TCHH: variants seen among roughly 807,000 people sequenced by gnomAD.
The protein encoded by TCHH is trichohyalin.
In TCHH, 6 loss-of-function variants were observed where a neutral mutation model predicts 6.3. That is an observed-to-expected ratio of 0.95 (90% CI 0.52 to 1.88). The LOEUF is 1.88. Among genes scored for constraint, TCHH ranks in the 40% most tolerant of loss-of-function variants. TCHH has a pLI of 0.01. For synonymous variants in TCHH, 1,087 were observed against 963.6 expected (o/e 1.13, Z -2.37); for missense variants, 2,920 against 2,449.1 (o/e 1.19, Z -4.06).
At chr1:152,113,385 G>A (rs531202000) in intron 2 of TCHH, among the ~76,000 whole-genome samples, 3 of 152,346 alleles carry the variant, frequency 2.0e-5, no homozygotes, top group African/African-American at 7.2e-5. Context: ...CTGAGGTGAA[G>A]ATTCAAAACA....
Position 152,111,241 on chromosome 1 carries a change from A to C in TCHH, c.1976T>G (p.Leu659Arg). The C allele has an allele frequency of 6.3e-7, 1 of 1,593,124 alleles. No individual in the cohort carries two copies. Among genetic ancestry groups the C allele is most frequent in the Non-Finnish European group, 8.5e-7 (1 of 1,172,226 alleles). ...REQQERREQR[L>R]KREEEEERLE... The stretch of plus-strand genomic sequence containing the variant: ...CCTCTCTTCCTCCTCCTCGCGCTTC[A>C]GCCGCTGCTCGCGCCTTTCCTGCTG... Residue 659 changes from leucine to arginine, a missense_variant, in exon 3 of 3, where the codon CTG becomes CGG. Leu to Arg is a moderately radical substitution (Grantham distance 102). Coordinates refer to ENST00000614923, the MANE Select transcript of TCHH (RefSeq NM_007113.4).
At position 152,112,130 on chromosome 1, in the gene TCHH, G is replaced by A; in HGVS notation, c.1087C>T (p.Gln363Ter). ...REQEEERREQ[Q>*]LRREQEEERR... ...TCCTCCTCCTGCTCGCGCCTCAGCTGCTGCTCGCGCCTCTCCTCCTCCTGC... is the reference window on the plus strand; with the variant it reads ...TCCTCCTCCTGCTCGCGCCTCAGCTACTGCTCGCGCCTCTCCTCCTCCTGC... Residue 363 changes from glutamine to a stop codon, truncating the protein, a stop_gained, in exon 3 of 3, where the codon CAG (glutamine) becomes TAG (stop). Coordinates refer to ENST00000614923, the MANE Select transcript of TCHH (RefSeq NM_007113.4). LOFTEE classifies it low-confidence loss of function (END_TRUNC). The A allele has an allele frequency of 1.3e-6, 2 of 1,566,344 alleles. No homozygotes were observed. Among genetic ancestry groups the A allele is most frequent in the Non-Finnish European group, 1.7e-6 (2 of 1,166,200 alleles).
chr1:152,107,719 T>G lies in TCHH; in HGVS notation c.5498A>C (p.Gln1833Pro). ...WEEEQLQLEE[Q>P]EQRLRQERDR... ...TCGCTCCTGCCGCAGCCTCTGCTCT[T>G]GTTCCTCAAGTTGGAGCTGCTCTTC... Residue 1833 changes from glutamine (Q) to proline (P), a missense_variant, in exon 3 of 3, where the codon CAA becomes CCA. By Grantham distance (76) the Gln-to-Pro change is moderately conservative. Coordinates refer to ENST00000614923, the MANE Select transcript of TCHH (RefSeq NM_007113.4). 1 of 1,614,070 alleles carries G rather than the reference T, an allele frequency of 6.2e-7. No homozygotes were observed. The highest frequency in any genetic ancestry group is 8.5e-7 in the Non-Finnish European group (1 of 1,180,036).
In TCHH at chr1:152,110,718, G is replaced by A. The variant is rs377679680; in HGVS notation, c.2499C>T (p.Phe833=). ...GCTGGAGCTGCTCCTCTTCCTCCAG[G>A]AACTGCAGCTCTTTCTCCCTCTCGC... ...QRREREKELQ[F]LEEEEQLQRR... The change falls in exon 3 of 3, where the codon TTC becomes TTT. Residue 833 remains phenylalanine (F), a synonymous_variant. Transcript: ENST00000614923. The A allele has an allele frequency of 6.2e-7, 1 of 1,611,402 alleles. No individual in the cohort carries two copies. The highest frequency in any genetic ancestry group is 1.3e-5 in the African/African-American group (1 of 74,970).
Position 152,106,693 on chromosome 1 carries a change from C to T in TCHH, c.*692G>A, listed in dbSNP as rs1290649432. 5.9e-5 allele frequency: 9 copies of T among 152,132 alleles called. No individual in the cohort carries two copies. The highest frequency in any genetic ancestry group is 1.9e-4 in the African/African-American group (8 of 41,428). The allele number at this position is 152,132 out of a possible 1,614,324, so 9.4% of individuals were successfully genotyped here. A position where few individuals can be genotyped will look rare whatever the true frequency, so the allele number is the denominator to read the frequency against. ...GAAGTTGAGAAACACCTCATTATTT[C>T]TTCATGAGATTATGTGTTTAAGTGG... On this transcript the variant is annotated 3_prime_UTR_variant, in exon 3 of 3. Transcript: ENST00000614923.
chr1:152,114,232 G>C (rs1431676786), intron 1 of TCHH, 121 bp from the exon 2 acceptor site: 33 of 655,714 alleles, frequency 5.0e-5, no homozygotes, highest in Non-Finnish European at 7.6e-5. Flanking sequence ...TTTCAACCTG[G>C]ACTTTCAGAG....
chr1:152,112,218 C>T lies in TCHH; in HGVS notation c.999G>A (p.Glu333=), dbSNP rs1245246166. Residue 333 remains glutamate, a synonymous_variant, in exon 3 of 3, where the codon GAG becomes GAA. Coordinates refer to ENST00000614923, the MANE Select transcript of TCHH (RefSeq NM_007113.4). The part of the protein sequence containing the change: ...EQQERREQQE[E]RREQQLRREQ... ...CGCGCCTCAGCTGCTGCTCGCGCCT[C>T]TCCTCCTGCTGCTCGCGCCTCTCCT... 1 of 1,482,066 alleles carries T rather than the reference C, an allele frequency of 6.7e-7. No homozygotes were observed. The highest frequency in any genetic ancestry group is 1.1e-5 in the South Asian group (1 of 89,154). The allele number at this position is 1,482,066 out of a possible 1,614,324, so 91.8% of individuals were successfully genotyped here.
In TCHH at chr1:152,112,577, C is replaced by G; in HGVS notation, c.640G>C (p.Glu214Gln). 1 of 1,613,602 alleles carries G rather than the reference C, an allele frequency of 6.2e-7. No homozygotes were observed. Among genetic ancestry groups the G allele is most frequent in the Non-Finnish European group, 8.5e-7 (1 of 1,180,012 alleles). The change falls in exon 3 of 3, where the codon GAG becomes CAG. Residue 214 changes from glutamate to glutamine, a missense_variant. Physicochemically the swap from Glu to Gln is conservative, Grantham distance 29. Transcript: ENST00000614923. ...FPDEEQLRRR[E>Q]LLELRRKGRE... is the part of the protein sequence containing the mutation. ...CCCTTCCTCCTCAGCTCCAGCAGCT[C>G]CCGCCTTCGCAGTTGCTCTTCGTCT...
At chr1:152,114,137 A>G in intron 1 of TCHH, 26 bp from the exon 2 acceptor site, 1 of 1,518,736 alleles carries the variant, frequency 6.6e-7, no homozygotes, top group South Asian at 1.3e-5. Context: ...AAGATCCAGA[A>G]TCAAAATCCC....
chr1:152,107,994 G>A lies in TCHH; in HGVS notation c.5223C>T (p.Arg1741=). Residue 1741 remains arginine, a synonymous_variant, in exon 3 of 3, where the codon CGC becomes CGT. Transcript: ENST00000614923. The part of the protein sequence containing the change: ...LRQETEQEQL[R]RQERYRKILE... ...GGATTTTTCTGTAGCGTTCTTGGCG[G>A]CGCAGCTGCTCTTGCTCCGTTTCTT... The A allele has an allele frequency of 6.2e-7, 1 of 1,613,198 alleles. No homozygotes were observed. Among genetic ancestry groups the A allele is most frequent in the Non-Finnish European group, 8.5e-7 (1 of 1,179,846 alleles).
chr1:152,110,619 C>A lies in TCHH; in HGVS notation c.2598G>T (p.Gln866His). The change falls in exon 3 of 3, where the codon CAG becomes CAT. Residue 866 changes from glutamine to histidine, a missense_variant. Gln to His is a conservative substitution (Grantham distance 24, BLOSUM62 0). Transcript: ENST00000614923. ...LQEDQERRRS[Q>H]EQRRDQKWRW... ...TCCATTTTTGGTCGCGGCGCTGCTC[C>A]TGGCTTCGCCTCCTCTCCTGATCCT... The A allele has an allele frequency of 1.9e-6, 3 of 1,614,192 alleles. No individual in the cohort carries two copies. The highest frequency in any genetic ancestry group is 1.6e-4 in the Middle Eastern group (1 of 6,062).
rs1658215407 is a variant in TCHH, at chr1:152,108,927, T to C, written c.4290A>G (p.Arg1430=). The change falls in exon 3 of 3, where the codon AGA becomes AGG. Residue 1430 remains arginine, a synonymous_variant. Transcript: ENST00000614923. ...CCTGCTGTTCCTCTTCACGGAATTT[T>C]CTGTCACGCTCTTGGCGGCTCAGCT... ...EQQLSRQERD[R]KFREEEQQVR... The C allele has an allele frequency of 1.2e-6, 2 of 1,613,418 alleles. No individual in the cohort carries two copies. Among genetic ancestry groups the C allele is most frequent in the South Asian group, 1.1e-5 (1 of 91,052 alleles).
chr1:152,108,657 C>T lies in TCHH; in HGVS notation c.4560G>A (p.Glu1520=). The change falls in exon 3 of 3, where the codon GAG becomes GAA. Residue 1520 remains glutamate (E), a synonymous_variant. Transcript: ENST00000614923. ...SQEPERKFLE[E]EQQLHRQQRQ... ...GTTGCTGGCGGTGCAGCTGCTGTTC[C>T]TCCTCGAGGAATTTTCTCTCTGGTT... 6.2e-7 allele frequency: 1 copy of T among 1,610,524 alleles called. No homozygotes were observed. The highest frequency in any genetic ancestry group is 8.5e-7 in the Non-Finnish European group (1 of 1,179,398).
rs1658169267 is a variant in TCHH at position 152,108,084 on chromosome 1, C to G, written c.5133G>C (p.Gln1711His). The G allele has an allele frequency of 6.2e-7, 1 of 1,611,820 alleles. No homozygotes were observed. The highest frequency in any genetic ancestry group is 1.3e-5 in the African/African-American group (1 of 74,150). ...RRQERERKFL[Q>H]EEQQLRRQEL... is the part of the protein sequence containing the mutation. ...CCTGGCGGCGCAGCTGCTGTTCCTC[C>G]TGGAGGAATTTTCTCTCTCGTTCCT... The change falls in exon 3 of 3, where the codon CAG (glutamine) becomes CAC (histidine). Residue 1711 changes from glutamine to histidine, a missense_variant. Physicochemically the swap from Gln to His is conservative, Grantham distance 24. Coordinates refer to ENST00000614923, the MANE Select transcript of TCHH (RefSeq NM_007113.4).
Position 152,107,962 on chromosome 1 carries a change from T to G in TCHH, c.5255A>C (p.Glu1752Ala). The change falls in exon 3 of 3, where the codon GAA (glutamate) becomes GCA (alanine). Residue 1752 changes from glutamate (E) to alanine (A), a missense_variant. Coordinates refer to ENST00000614923, the MANE Select transcript of TCHH (RefSeq NM_007113.4). The part of the protein sequence containing the change: ...RQERYRKILE[E>A]EQLRPEREEQ... Reference sequence around the variant, plus strand: ...TTCCCTTTCCGGACGGAGCTGCTCTTCCTCTAGGATTTTTCTGTAGCGTTC... The same window carrying G: ...TTCCCTTTCCGGACGGAGCTGCTCTGCCTCTAGGATTTTTCTGTAGCGTTC... 1 of 1,613,736 alleles carries G rather than the reference T, an allele frequency of 6.2e-7. No individual in the cohort carries two copies. Among genetic ancestry groups the G allele is most frequent in the Non-Finnish European group, 8.5e-7 (1 of 1,179,932 alleles).
rs773220636 is a variant in TCHH at position 152,110,465 on chromosome 1, G to C, written c.2752C>G (p.Arg918Gly). ...TGTTCTTGGCGCCTTCTCTTCTCGC[G>C]CTCCTCTCTCTGTAGCTCCTCCTCC... ...EEEEELQREEREKRRRQEQER... is the reference protein window; with the variant it reads ...EEEEELQREEGEKRRRQEQER... Residue 918 changes from arginine (R) to glycine (G), a missense_variant, in exon 3 of 3, where the codon CGC (arginine) becomes GGC (glycine). Physicochemically the swap from Arg to Gly is moderately radical, Grantham distance 125. Transcript: ENST00000614923. The C allele has an allele frequency of 2.5e-6, 4 of 1,613,894 alleles. No individual in the cohort carries two copies. The highest frequency in any genetic ancestry group is 1.1e-5 in the South Asian group (1 of 91,084).
chr1:152,112,670 G>T lies in TCHH; in HGVS notation c.547C>A (p.Arg183=). ...TCTTCCTCTGCACGGCGCTCTTCCCGTTCTTGCCATTCTTGCCTTTGCCGC... is the reference window on the plus strand; with the variant it reads ...TCTTCCTCTGCACGGCGCTCTTCCCTTTCTTGCCATTCTTGCCTTTGCCGC... The part of the protein sequence containing the change: ...LWRQRQEWQE[R]EERRAEEEQL... The change falls in exon 3 of 3, where the codon CGG becomes AGG. Residue 183 remains arginine (R), a synonymous_variant. Transcript: ENST00000614923. 1 of 1,613,990 alleles carries T rather than the reference G, an allele frequency of 6.2e-7. No homozygotes were observed. The highest frequency in any genetic ancestry group is 2.2e-5 in the East Asian group (1 of 44,842).
chr1:152,111,111 C>T lies in TCHH; in HGVS notation c.2106G>A (p.Pro702=), dbSNP rs1211771481. 6.2e-7 allele frequency: 1 copy of T among 1,613,688 alleles called. No homozygotes were observed. Among genetic ancestry groups the T allele is most frequent in the South Asian group, 1.1e-5 (1 of 91,074 alleles). The change falls in exon 3 of 3, where the codon CCG becomes CCA. Residue 702 remains proline (P), a synonymous_variant. Coordinates refer to ENST00000614923, the MANE Select transcript of TCHH (RefSeq NM_007113.4). ...CGCTTTCTAGCTGCCACTGCCACTT[C>T]GGGATGCGGCTCTTAATCCGCTCCC... ...QARERIKSRI[P]KWQWQLESEA...
rs1161915768 is a variant in TCHH, at chr1:152,112,296, C to T, written c.921G>A (p.Arg307=). 3.7e-6 allele frequency: 6 copies of T among 1,610,102 alleles called. No individual in the cohort carries two copies. The highest frequency in any genetic ancestry group is 5.1e-6 in the Non-Finnish European group (6 of 1,179,636). ...CGCGCCTCTCCTCCTCCTGCTTGCGCCTTAGTTGCTGCTCGCGCCTCAGCC... is the reference window on the plus strand; with the variant it reads ...CGCGCCTCTCCTCCTCCTGCTTGCGTCTTAGTTGCTGCTCGCGCCTCAGCC... ...QQRLRREQQL[R]RKQEEERREQ... Residue 307 remains arginine (R), a synonymous_variant, in exon 3 of 3, where the codon AGG becomes AGA. Coordinates refer to ENST00000614923, the MANE Select transcript of TCHH (RefSeq NM_007113.4).
Sources: allele counts gnomAD v4.1 joint callset (sites outside exome capture counted in the v4.1 genomes callset), GRCh38; gene constraint gnomAD v4.1.1; transcripts MANE v1.5; gene names NCBI Gene and HGNC (gene_info 2026-07-23, HGNC 2026-07-21).